NDUFA12: variants seen among roughly 807,000 people sequenced by gnomAD.
NDUFA12 encodes the protein NADH:ubiquinone oxidoreductase subunit A12.
NDUFA12 carries 17 observed loss-of-function variants against 20.3 expected under a neutral mutation model. The observed-to-expected ratio is 0.84, with a 90% CI of 0.57 to 1.26. NDUFA12 has a LOEUF of 1.26. NDUFA12 is among the 50% of genes most tolerant of loss of function. The pLI, the probability that NDUFA12 is intolerant of heterozygous loss-of-function variation, is 0.00. For missense variants in NDUFA12, 191 were observed against 183.7 expected (o/e 1.04, Z -0.23); for synonymous variants, 72 against 63.6 (o/e 1.13, Z -0.63).
At chr12:94,987,191 G>C (rs1213583870) in intron 3 of NDUFA12, among the ~76,000 whole-genome samples, 2 of 152,110 alleles carry the variant, frequency 1.3e-5, no homozygotes, top group Non-Finnish European at 2.9e-5. Flanking sequence ...TCAGTGACAG[G>C]AATGTCACAG....
chr12:94,989,367 G>T (rs187601774), intron 3 of NDUFA12, among the ~76,000 whole-genome samples: 30 of 152,214 alleles, frequency 2.0e-4, no homozygotes, highest in Admixed American at 3.3e-4. Flanking sequence ...ATGATAAATT[G>T]TATCTGTACA....
chr12:94,978,902 C>T (rs1874145105), intron 3 of NDUFA12, among the ~76,000 whole-genome samples: 1 of 152,000 alleles, frequency 6.6e-6, no homozygotes, highest in South Asian at 2.1e-4. Flanking sequence ...CTCGAACTGA[C>T]ACAGTATTTA....
At chr12:94,994,097 C>T in intron 3 of NDUFA12, 73 bp downstream of exon 3, 1 of 1,353,536 alleles carries the variant, frequency 7.4e-7, no homozygotes, top group Non-Finnish European at 1.0e-6. Context: ...GCACTCCAGC[C>T]TGGGTGACAG....
chr12:94,974,412 C>G (rs1308422509), intron 3 of NDUFA12, among the ~76,000 whole-genome samples: 1 of 152,108 alleles, frequency 6.6e-6, no homozygotes, highest in Non-Finnish European at 1.5e-5. Context: ...TAAGTTAGTA[C>G]AACCATTATA....
At chr12:94,978,416 G>A (rs1874128355) in intron 3 of NDUFA12, among the ~76,000 whole-genome samples, 1 of 152,194 alleles carries the variant, frequency 6.6e-6, no homozygotes, top group Non-Finnish European at 1.5e-5. Flanking sequence ...TAACAGACTG[G>A]ACATTAGAGA....
intron 1 of NDUFA12, among the ~76,000 whole-genome samples, 197 bp downstream of exon 1, chr12:95,003,398 C>T (rs952880647): frequency 6.6e-6 from 1 of 152,204 alleles, no homozygotes; most frequent in Non-Finnish European, 1.5e-5. Flanking sequence ...AGCTCTGACT[C>T]TACAGATAGC....
At chr12:94,994,004 G>A (rs1403422854) in intron 3 of NDUFA12, among the ~76,000 whole-genome samples, 166 bp downstream of exon 3, 4 of 152,120 alleles carry the variant, frequency 2.6e-5, no homozygotes, top group Non-Finnish European at 5.9e-5. Flanking sequence ...TGGGCCTGTA[G>A]TCCCAGCTAC....
intron 3 of NDUFA12, among the ~76,000 whole-genome samples, chr12:94,974,653 C>A (rs1291824078): frequency 6.6e-6 from 1 of 152,084 alleles, no homozygotes; most frequent in East Asian, 1.9e-4. Flanking sequence ...CAATGGGGTA[C>A]TATTCAGCCA....
At chr12:94,978,812 T>C (rs188865858) in intron 3 of NDUFA12, among the ~76,000 whole-genome samples, 1 of 152,328 alleles carries the variant, frequency 6.6e-6, no homozygotes, top group East Asian at 1.9e-4. Context: ...TTTGCAACTA[T>C]AATAAATAGT....
chr12:94,997,032 C>G, intron 2 of NDUFA12: 1 of 297,826 alleles, frequency 3.4e-6, no homozygotes, highest in Non-Finnish European at 6.5e-6. Context: ...GTCTAAAATT[C>G]TGTGATTTAT....
chr12:94,997,419 T>C (rs1449458852), intron 2 of NDUFA12: 1 of 152,234 alleles, frequency 6.6e-6, no homozygotes, highest in Non-Finnish European at 1.5e-5. Context: ...ACCTAGCACA[T>C]GGTAATCACT....
chr12:94,983,923 C>G (rs1192826139), intron 3 of NDUFA12, among the ~76,000 whole-genome samples: 1 of 150,550 alleles, frequency 6.6e-6, no homozygotes, highest in Non-Finnish European at 1.5e-5. Flanking sequence ...GAGGGTGTTG[C>G]GGTAGCCCAG....
chr12:95,003,312 TA>T (rs1204750408), intron 1 of NDUFA12, among the ~76,000 whole-genome samples: 2 of 152,174 alleles, frequency 1.3e-5, no homozygotes, highest in African/African-American at 2.4e-5. Context: ...GTCACTGAGT[TA>T]ATGTCTTGTA....
intron 3 of NDUFA12, among the ~76,000 whole-genome samples, chr12:94,991,316 C>T (rs1354880249): frequency 1.3e-5 from 2 of 151,738 alleles, no homozygotes; most frequent in Admixed American, 6.6e-5. Flanking sequence ...CTGGGCCACA[C>T]GTGGCAAGTG....
chr12:94,971,771 T>G lies in NDUFA12; in HGVS notation c.258-151A>C, dbSNP rs370304301. ...AGCTGAATTCTTCTATGCCTTAGATTTTTTCCATCTGAACATCCCTACTCC... is the reference window on the plus strand; with the variant it reads ...AGCTGAATTCTTCTATGCCTTAGATGTTTTCCATCTGAACATCCCTACTCC... On this transcript the variant is annotated intron_variant, in intron 3 of 3. Coordinates refer to ENST00000327772, the MANE Select transcript of NDUFA12 (RefSeq NM_018838.5). 9.2e-6 allele frequency: 8 copies of G among 871,516 alleles called. 1 individual carries two copies. The highest frequency in any genetic ancestry group is 1.3e-5 in the South Asian group (1 of 75,562). 54.0% of individuals were successfully genotyped at this position (871,516 alleles called of 1,614,324 possible). A position where few individuals can be genotyped will look rare whatever the true frequency, so the allele number is the denominator to read the frequency against.
intron 3 of NDUFA12, among the ~76,000 whole-genome samples, chr12:94,990,528 T>A (rs559371492): frequency 3.3e-5 from 5 of 152,096 alleles, no homozygotes; most frequent in Non-Finnish European, 4.4e-5. Context: ...GCTGAAGGGA[T>A]CCTCCCACCT....
At chr12:94,999,116 C>T (rs1225201709) in intron 2 of NDUFA12, among the ~76,000 whole-genome samples, 1 of 152,100 alleles carries the variant, frequency 6.6e-6, no homozygotes, top group East Asian at 1.9e-4. Flanking sequence ...AAACACTATG[C>T]TACCGGTATA....
intron 2 of NDUFA12, among the ~76,000 whole-genome samples, chr12:94,994,757 T>A (rs1874761563): frequency 6.6e-6 from 1 of 152,184 alleles, no homozygotes; most frequent in African/African-American, 2.4e-5. Context: ...GAAATGATGG[T>A]TAGGTACATA....
At chr12:94,999,960 C>T (rs1232360539) in intron 2 of NDUFA12, among the ~76,000 whole-genome samples, 1 of 152,180 alleles carries the variant, frequency 6.6e-6, no homozygotes, top group East Asian at 1.9e-4. Context: ...TTCGATCCAG[C>T]AATCCCACTA....
Sources: allele counts gnomAD v4.1 joint callset (sites outside exome capture counted in the v4.1 genomes callset), GRCh38; gene constraint gnomAD v4.1.1; transcripts MANE v1.5; gene names NCBI Gene and HGNC (gene_info 2026-07-23, HGNC 2026-07-21).